Variants in MSI2 observed in about 807,000 individuals in gnomAD.
MSI2 encodes RNA-binding protein Musashi homolog 2.
MSI2 carries 17 observed loss-of-function variants against 45.6 expected under a neutral mutation model. That is an observed-to-expected ratio of 0.37 (90% CI 0.26 to 0.56). MSI2 has a LOEUF of 0.56. Among genes scored for constraint, MSI2 ranks in the 20% least tolerant of loss-of-function variants. The pLI is 0.77. For synonymous variants in MSI2, 156 were observed against 158.2 expected, an observed-to-expected ratio of 0.99 and a Z score of 0.11; for missense variants, 293 against 444.2, an observed-to-expected ratio of 0.66 and a Z score of 3.06.
chr17:57,386,285 CA>C (rs1221177157), intron 5 of MSI2, among the ~76,000 whole-genome samples: 6 of 152,078 alleles, frequency 3.9e-5, no homozygotes, highest in African/African-American at 1.4e-4. Context: ...GGCTGCTGAA[CA>C]GAACTTTGGC....
chr17:57,374,344 C>T (rs963773515), intron 5 of MSI2, among the ~76,000 whole-genome samples: 1 of 152,256 alleles, frequency 6.6e-6, no homozygotes, highest in African/African-American at 2.4e-5. Flanking sequence ...TTGAAGTTTC[C>T]CTTTCTAGCC....
chr17:57,326,065 T>G (rs1401494153), intron 5 of MSI2, among the ~76,000 whole-genome samples: 1 of 152,184 alleles, frequency 6.6e-6, no homozygotes, highest in Non-Finnish European at 1.5e-5. Flanking sequence ...ACCGTGCCTT[T>G]TTAGCAAAAC....
chr17:57,572,042 T>C (rs578133625), intron 7 of MSI2, among the ~76,000 whole-genome samples: 2 of 152,204 alleles, frequency 1.3e-5, no homozygotes, highest in South Asian at 2.1e-4. Context: ...GTGGGGGAGC[T>C]AGAAAGCTGA....
intron 6 of MSI2, among the ~76,000 whole-genome samples, chr17:57,427,237 A>G (rs2084509733): frequency 6.6e-6 from 1 of 150,804 alleles, no homozygotes; most frequent in South Asian, 2.1e-4. Flanking sequence ...TCTCTAATAA[A>G]AATACAAAAA....
intron 10 of MSI2, among the ~76,000 whole-genome samples, chr17:57,648,515 C>T (rs1910873235): frequency 6.6e-6 from 1 of 152,144 alleles, no homozygotes; most frequent in Non-Finnish European, 1.5e-5. Flanking sequence ...CTGCTGTTTG[C>T]TGTGCTGCCC....
chr17:57,555,011 C>T lies in MSI2; in HGVS notation c.454+25287C>T, dbSNP rs1204233336. On this transcript the variant is annotated intron_variant, in intron 7 of 13. Coordinates refer to ENST00000284073, the MANE Select transcript of MSI2 (RefSeq NM_138962.4). ...CTTTCCTCCCTTGTGTTTGGGCACT[C>T]GGCTGAGCTCCTTGGAAAGATTTCT... 2.0e-5 allele frequency among the ~76,000 whole-genome samples: 3 copies of T among 152,240 alleles called. 1 individual carries two copies. Among genetic ancestry groups the T allele is most frequent in the South Asian group, 4.1e-4 (2 of 4,836 alleles).
At chr17:57,475,936 TCAA>T (rs1445363877) in intron 6 of MSI2, among the ~76,000 whole-genome samples, 2 of 152,286 alleles carry the variant, frequency 1.3e-5, no homozygotes, top group African/African-American at 2.4e-5. Flanking sequence ...GTCTTTAGAC[TCAA>T]CAACAACAAC....
chr17:57,361,657 A>G (rs913583267), intron 5 of MSI2, among the ~76,000 whole-genome samples: 2 of 151,968 alleles, frequency 1.3e-5, no homozygotes, highest in African/African-American at 2.4e-5. Context: ...TATATTTACT[A>G]TTCTTTAAGT....
At chr17:57,307,291 T>A (rs1305469446) in intron 5 of MSI2, among the ~76,000 whole-genome samples, 1 of 152,214 alleles carries the variant, frequency 6.6e-6, no homozygotes, top group Non-Finnish European at 1.5e-5. Context: ...TTACTCTCCA[T>A]GGGCAGGAGT....
intron 6 of MSI2, among the ~76,000 whole-genome samples, chr17:57,511,230 C>T (rs564648560): frequency 1.3e-3 from 193 of 152,262 alleles, no homozygotes; most frequent in African/African-American, 4.1e-3. Flanking sequence ...CCTCAGGGAG[C>T]GGATGCTCTG....
rs566041952 is a variant in MSI2 at position 57,346,756 on chromosome 17, G to A, written c.313-54623G>A. Among the ~76,000 whole-genome samples, 20 of 152,060 alleles carry A rather than the reference G, an allele frequency of 1.3e-4. No individual in the cohort carries two copies. In the South Asian group the frequency reaches 3.1e-3, roughly 24 times the overall value. ...TGTATAGCTGGAACTACAGGCACACGCCACCATGCTTGGCTAATTTTTCTA... is the reference window on the plus strand; with the variant it reads ...TGTATAGCTGGAACTACAGGCACACACCACCATGCTTGGCTAATTTTTCTA... On this transcript the variant is annotated intron_variant, in intron 5 of 13. Coordinates refer to ENST00000284073, the MANE Select transcript of MSI2 (RefSeq NM_138962.4).
intron 9 of MSI2, chr17:57,626,374 C>T (rs1264349016): frequency 6.6e-6 from 1 of 152,190 alleles, no homozygotes; most frequent in East Asian, 1.9e-4. Context: ...GCCACAATGA[C>T]TCCCTGAGAG....
At chr17:57,457,484 C>T (rs953108642) in intron 6 of MSI2, among the ~76,000 whole-genome samples, 1 of 152,142 alleles carries the variant, frequency 6.6e-6, no homozygotes, top group Non-Finnish European at 1.5e-5. Context: ...GGCCAATGAA[C>T]TTATTTTAAG....
Position 57,502,602 on chromosome 17 carries a change from G to GATAGATATATATATAT in MSI2, c.406-27071_406-27070insGATATATATATATATA, listed in dbSNP as rs1190802566. Among the ~76,000 whole-genome samples the GATAGATATATATATAT allele has an allele frequency of 2.2e-4, 12 of 54,418 alleles. No homozygotes were observed. The East Asian group carries it at 3.4e-3, about 15-fold the overall frequency. The allele number at this position is 54,418 out of a possible 152,430, so 35.7% of individuals were successfully genotyped here. Reference sequence around the variant, plus strand: ...CAGGGAATGGAGAAGATGACTCTGAGATATATATATATATATATATATATA... The same window carrying GATAGATATATATATAT: ...CAGGGAATGGAGAAGATGACTCTGAGATAGATATATATATATATATATATATATATATATATATATA... On this transcript the variant is annotated intron_variant, in intron 6 of 13. Coordinates refer to ENST00000284073, the MANE Select transcript of MSI2 (RefSeq NM_138962.4).
At position 57,371,508 on chromosome 17, in the gene MSI2, C is replaced by CAA. The variant is rs35929440; in HGVS notation, c.313-29860_313-29859dup. On this transcript the variant is annotated intron_variant, in intron 5 of 13. Coordinates refer to ENST00000284073, the MANE Select transcript of MSI2 (RefSeq NM_138962.4). Reference sequence around the variant, plus strand: ...CATTTTTTTCTGTCCTTTTTCATGGCAAAAAAAAAAAAGGGCAAAAAATTA... The same window carrying CAA: ...CATTTTTTTCTGTCCTTTTTCATGGCAAAAAAAAAAAAAAGGGCAAAAAATTA... Among the ~76,000 whole-genome samples, 281 of 140,652 alleles carry CAA rather than the reference C, an allele frequency of 2.0e-3. 1 individual carries two copies. The highest frequency in any genetic ancestry group is 9.7e-3 in the Admixed American group (137 of 14,178). 92.3% of individuals were successfully genotyped at this position (140,652 alleles called of 152,430 possible). A position where few individuals can be genotyped will look rare whatever the true frequency, so the allele number is the denominator to read the frequency against.
intron 6 of MSI2, among the ~76,000 whole-genome samples, chr17:57,410,840 G>T (rs2084183032): frequency 6.6e-6 from 1 of 152,198 alleles, no homozygotes; most frequent in South Asian, 2.1e-4. Flanking sequence ...ATAAGTGAGA[G>T]TATGGAATGA....
chr17:57,532,716 A>G (rs894920787), intron 7 of MSI2, among the ~76,000 whole-genome samples: 2 of 152,158 alleles, frequency 1.3e-5, no homozygotes, highest in African/African-American at 4.8e-5. Context: ...CCTGCTGTCC[A>G]TGATCTTATC....
At position 57,681,185 on chromosome 17, in the gene MSI2, A is replaced by G. The variant is rs1216873585; in HGVS notation, c.*1668A>G. 3 of 185,794 alleles carry G rather than the reference A, an allele frequency of 1.6e-5. No individual in the cohort carries two copies. The highest frequency in any genetic ancestry group is 3.4e-5 in the Non-Finnish European group (3 of 87,762). The allele number at this position is 185,794 out of a possible 1,614,324, so 11.5% of individuals were successfully genotyped here. A position where few individuals can be genotyped will look rare whatever the true frequency, so the allele number is the denominator to read the frequency against. On this transcript the variant is annotated 3_prime_UTR_variant, in exon 14 of 14. Coordinates refer to ENST00000284073, the MANE Select transcript of MSI2 (RefSeq NM_138962.4). Reference sequence around the variant, plus strand: ...TGCACATGTTTAACATTTGGCTGTTATAATATATGGTCCTCGGTTGGGGAA... The same window carrying G: ...TGCACATGTTTAACATTTGGCTGTTGTAATATATGGTCCTCGGTTGGGGAA...
At chr17:57,667,953 C>G (rs1276163328) in intron 11 of MSI2, among the ~76,000 whole-genome samples, 9 of 152,208 alleles carry the variant, frequency 5.9e-5, no homozygotes, top group African/African-American at 2.2e-4. Flanking sequence ...AATCCCAGCA[C>G]TTTGGGAGGC....
Sources: allele counts gnomAD v4.1 joint callset (sites outside exome capture counted in the v4.1 genomes callset), GRCh38; gene constraint gnomAD v4.1.1; transcripts MANE v1.5; gene names NCBI Gene and HGNC (gene_info 2026-07-23, HGNC 2026-07-21).